The following PDE1C variants were observed in gnomAD, a reference collection of about 807,000 sequenced individuals.
PDE1C encodes dual specificity calcium/calmodulin-dependent 3',5'-cyclic nucleotide phosphodiesterase 1C.
Under a neutral mutation model 93.1 loss-of-function variants are expected in PDE1C, and 62 were observed. That is an observed-to-expected ratio of 0.67 (90% CI 0.54 to 0.82). The LOEUF (loss-of-function observed/expected upper bound fraction) is 0.82. PDE1C is among the 40% of genes least tolerant of loss of function. The pLI is 0.00. For missense variants in PDE1C, 742 were observed against 884.6 expected, an observed-to-expected ratio of 0.84 and a Z score of 2.04; for synonymous variants, 325 against 310.1, an observed-to-expected ratio of 1.05 and a Z score of -0.50.
At chr7:31,884,209 G>GA (rs932418201) in intron 2 of PDE1C, among the ~76,000 whole-genome samples, 1 of 149,932 alleles carries the variant, frequency 6.7e-6, no homozygotes, top group South Asian at 2.1e-4. Flanking sequence ...TGATGAAACA[G>GA]AAAAAAAATT....
chr7:31,645,185 G>C, the PDE1C span, among the ~76,000 whole-genome samples: 3 of 152,140 alleles, frequency 2.0e-5, no homozygotes, highest in African/African-American at 7.2e-5. Flanking sequence ...AAGCAAAGAA[G>C]TGTCCGACTT....
At chr7:31,979,943 C>T (rs1160529753) in intron 2 of PDE1C, among the ~76,000 whole-genome samples, 2 of 152,180 alleles carry the variant, frequency 1.3e-5, no homozygotes, top group Non-Finnish European at 2.9e-5. Context: ...TTTATCCTGA[C>T]AGCAGGGGTG....
At chr7:31,634,519 C>T in the PDE1C span, among the ~76,000 whole-genome samples, 1 of 152,158 alleles carries the variant, frequency 6.6e-6, no homozygotes, top group Non-Finnish European at 1.5e-5. Flanking sequence ...CTCCAGATCA[C>T]ACAGCCTCTA....
chr7:31,991,961 A>G (rs1259332530), intron 2 of PDE1C, among the ~76,000 whole-genome samples: 2 of 152,184 alleles, frequency 1.3e-5, no homozygotes, highest in Non-Finnish European at 2.9e-5. Context: ...TTAGCTGGTA[A>G]TATGTTAGCG....
At chr7:31,626,839 T>G in the PDE1C span, among the ~76,000 whole-genome samples, 1 of 152,218 alleles carries the variant, frequency 6.6e-6, no homozygotes, top group Non-Finnish European at 1.5e-5. Flanking sequence ...TTGTATCCCC[T>G]TATCTAGCAC....
chr7:32,118,258 A>G (rs1799097555), intron 3 of PDE1C, among the ~76,000 whole-genome samples: 1 of 152,234 alleles, frequency 6.6e-6, no homozygotes, highest in Non-Finnish European at 1.5e-5. Flanking sequence ...CAAAAGGAAC[A>G]TCTGTGAGCA....
intron 2 of PDE1C, among the ~76,000 whole-genome samples, chr7:32,031,249 G>A (rs186998097): frequency 0.011 from 1,684 of 152,258 alleles, 20 homozygotes; most frequent in Non-Finnish European, 0.015. Flanking sequence ...ATATCCAAAA[G>A]AGAGTATAAT....
chr7:31,702,432 T>C, the PDE1C span, among the ~76,000 whole-genome samples: 3 of 152,154 alleles, frequency 2.0e-5, no homozygotes, highest in Admixed American at 2.0e-4. Flanking sequence ...CTACCTAGGT[T>C]AATCCTCTAC....
chr7:32,383,913 T>C (rs1784578629), intron 1 of PDE1C, among the ~76,000 whole-genome samples: 1 of 152,224 alleles, frequency 6.6e-6, no homozygotes. Flanking sequence ...GTCTTTGAAA[T>C]TATGAAATGA....
intron 3 of PDE1C, among the ~76,000 whole-genome samples, chr7:32,089,933 C>A (rs1388338483): frequency 6.6e-6 from 1 of 152,206 alleles, no homozygotes; most frequent in South Asian, 2.1e-4. Flanking sequence ...AAAAATGTTA[C>A]TTGCCTGCTT....
Position 31,837,290 on chromosome 7 carries a change from G to T in PDE1C, c.1093C>A (p.Pro365Thr). The T allele has an allele frequency of 6.2e-7, 1 of 1,608,714 alleles. No individual in the cohort carries two copies. Among genetic ancestry groups the T allele is most frequent in the Non-Finnish European group, 8.5e-7 (1 of 1,177,022 alleles). Residue 365 changes from proline (P) to threonine (T), a missense_variant, in exon 11 of 18, where the codon CCA becomes ACA. By Grantham distance (38) the Pro-to-Thr change is conservative (BLOSUM62 -1). Transcript: ENST00000396191. ...TGCAGCATAAGGGATAAGGCTTTTG[G>T]CTTTTCAATGCTGTAAACCAAAAGC... Reference protein sequence around the residue: ...ALQQPEAIEKPKALSLMLHTA... With the variant: ...ALQQPEAIEKTKALSLMLHTA...
At chr7:32,261,838 G>A (rs192793025) in intron 1 of PDE1C, among the ~76,000 whole-genome samples, 6 of 152,160 alleles carry the variant, frequency 3.9e-5, no homozygotes, top group South Asian at 2.1e-4. Context: ...TCACTACTTC[G>A]TACATTTTTC....
chr7:31,848,058 A>C lies in PDE1C; in HGVS notation c.890T>G (p.Leu297Arg). The C allele has an allele frequency of 6.2e-7, 1 of 1,613,064 alleles. No homozygotes were observed. Among genetic ancestry groups the C allele is most frequent in the Non-Finnish European group, 8.5e-7 (1 of 1,179,394 alleles). ...PAILYNDRSV[L>R]ENHHLSAAYR... is the part of the protein sequence containing the mutation. ...AGCTGCACTTAAATGGTGATTCTCCAGTACAGATCTGTCATTATACAGAAT... is the reference window on the plus strand; with the variant it reads ...AGCTGCACTTAAATGGTGATTCTCCCGTACAGATCTGTCATTATACAGAAT... The change falls in exon 9 of 18, where the codon CTG (leucine) becomes CGG (arginine). Residue 297 changes from leucine (L) to arginine (R), a missense_variant. Leu to Arg is a moderately radical substitution (Grantham distance 102). Transcript: ENST00000396191.
intron 16 of PDE1C, among the ~76,000 whole-genome samples, chr7:31,791,544 A>T (rs1270244888): frequency 6.6e-6 from 1 of 152,080 alleles, no homozygotes; most frequent in Non-Finnish European, 1.5e-5. Flanking sequence ...TCAACTTGGG[A>T]TCATACGTCA....
chr7:31,691,065 C>T, the PDE1C span, among the ~76,000 whole-genome samples: 2 of 152,218 alleles, frequency 1.3e-5, no homozygotes, highest in East Asian at 1.9e-4. Flanking sequence ...TCCTGATGGT[C>T]GCAGGGAGTT....
At chr7:31,963,454 A>G (rs1715807440) in intron 2 of PDE1C, among the ~76,000 whole-genome samples, 1 of 152,186 alleles carries the variant, frequency 6.6e-6, no homozygotes, top group Non-Finnish European at 1.5e-5. Flanking sequence ...TATGTCCCAC[A>G]GTAAAGGACT....
At chr7:32,427,729 G>A (rs1285427580) in intron 1 of PDE1C, among the ~76,000 whole-genome samples, 1 of 152,194 alleles carries the variant, frequency 6.6e-6, no homozygotes, top group Non-Finnish European at 1.5e-5. Context: ...CGAGAAACGG[G>A]AAATCCTGCG....
chr7:31,891,038 GAC>G (rs1333222622), intron 2 of PDE1C, among the ~76,000 whole-genome samples: 1 of 152,134 alleles, frequency 6.6e-6, no homozygotes, highest in African/African-American at 2.4e-5. Context: ...CACCTCCTGT[GAC>G]TCAGAACTCT....
At chr7:32,295,662 T>C (rs1162868872) in intron 1 of PDE1C, among the ~76,000 whole-genome samples, 1 of 151,950 alleles carries the variant, frequency 6.6e-6, no homozygotes, top group Non-Finnish European at 1.5e-5. Flanking sequence ...GAGACCGAGG[T>C]GGGTGGATCA....
Sources: allele counts gnomAD v4.1 joint callset (sites outside exome capture counted in the v4.1 genomes callset), GRCh38; gene constraint gnomAD v4.1.1; transcripts MANE v1.5; gene names NCBI Gene and HGNC (gene_info 2026-07-23, HGNC 2026-07-21).